ADGRL2: variants seen among roughly 807,000 people sequenced by gnomAD.
The protein encoded by ADGRL2 is adhesion G protein-coupled receptor L2.
Under a neutral mutation model 157.4 loss-of-function variants are expected in ADGRL2, and 44 were observed. The ratio of observed to expected loss-of-function variants is 0.28; its 90% CI spans 0.22 to 0.36. The LOEUF is 0.36. Ranked by LOEUF, ADGRL2 falls within the 10% of genes least tolerant of loss-of-function variation. The pLI is 1.00. For missense variants in ADGRL2, 1,510 were observed against 1,768.9 expected, an observed-to-expected ratio of 0.85 and a Z score of 2.63; for synonymous variants, 585 against 624.7, an observed-to-expected ratio of 0.94 and a Z score of 0.95.
At chr1:81,540,150 A>G (rs1382848093) in intron 2 of ADGRL2, among the ~76,000 whole-genome samples, 1 of 152,190 alleles carries the variant, frequency 6.6e-6, no homozygotes, top group South Asian at 2.1e-4. Flanking sequence ...TAATTTTCCA[A>G]TTCCAGAGTA....
chr1:81,495,311 T>C (rs547268846), intron 2 of ADGRL2, among the ~76,000 whole-genome samples: 58 of 152,200 alleles, frequency 3.8e-4, no homozygotes, highest in Non-Finnish European at 6.9e-4. Flanking sequence ...ATGTGAATGA[T>C]TTAAGACTTA....
intron 1 of ADGRL2, among the ~76,000 whole-genome samples, chr1:81,761,158 CAG>C (rs1371420013): frequency 1.3e-5 from 2 of 151,790 alleles, no homozygotes; most frequent in Non-Finnish European, 2.9e-5. Flanking sequence ...TTTTCATTTA[CAG>C]AAACAATATC....
intron 1 of ADGRL2, among the ~76,000 whole-genome samples, chr1:81,371,605 C>A (rs775605250): frequency 3.3e-5 from 5 of 152,144 alleles, no homozygotes; most frequent in Non-Finnish European, 5.9e-5. Flanking sequence ...TGAAACTTTG[C>A]ATTACATACA....
chr1:81,746,893 CACGTATATACACACGTGCACACGTATAT>C (rs1168575111), intron 1 of ADGRL2, among the ~76,000 whole-genome samples: 2 of 127,140 alleles, frequency 1.6e-5, no homozygotes, highest in African/African-American at 3.3e-5. Flanking sequence ...CACACGTATA[CACGTATATACACACGTGCACACGTATAT>C]ACGTATATAC....
chr1:81,988,327 A>T (rs549885857), intron 23 of ADGRL2: 2 of 152,210 alleles, frequency 1.3e-5, no homozygotes, highest in Non-Finnish European at 2.9e-5. Flanking sequence ...GACCTTTTGG[A>T]TTATATCCAG....
intron 1 of ADGRL2, among the ~76,000 whole-genome samples, chr1:81,434,397 T>C (rs4075061): frequency 0.014 from 2,152 of 152,292 alleles, 33 homozygotes; most frequent in South Asian, 0.056. Context: ...GCTTGTTTTT[T>C]ATATTTGTCT....
intron 3 of ADGRL2, among the ~76,000 whole-genome samples, chr1:81,689,472 TAA>T (rs2083290596): frequency 6.6e-6 from 1 of 152,240 alleles, no homozygotes; most frequent in African/African-American, 2.4e-5. Flanking sequence ...AGAACTCAAC[TAA>T]ATGGTCTATT....
chr1:81,926,709 C>G (rs1350741240), intron 3 of ADGRL2, among the ~76,000 whole-genome samples: 1 of 151,712 alleles, frequency 6.6e-6, no homozygotes, highest in Non-Finnish European at 1.5e-5. Flanking sequence ...TTTTTTGTTT[C>G]ATTAAGTAGT....
intron 2 of ADGRL2, among the ~76,000 whole-genome samples, chr1:81,535,421 G>T (rs76446623): frequency 0.098 from 14,880 of 152,130 alleles, 845 homozygotes; most frequent in Non-Finnish European, 0.12. Flanking sequence ...GTGTGTGAAT[G>T]TGTGTGTAAG....
At chr1:81,695,612 G>T (rs567648013), upstream of ADGRL2, among the ~76,000 whole-genome samples, 1 of 152,168 alleles carries the variant, frequency 6.6e-6, no homozygotes, top group South Asian at 2.1e-4. Flanking sequence ...TTGAGGTCAG[G>T]TGTTAAGAGA....
chr1:81,802,243 G>C (rs749437968), intron 1 of ADGRL2, among the ~76,000 whole-genome samples: 1 of 152,110 alleles, frequency 6.6e-6, no homozygotes, highest in African/African-American at 2.4e-5. Flanking sequence ...AGAGCCGCAG[G>C]AGCGAACAAT....
chr1:81,473,267 A>G (rs2078208897), intron 2 of ADGRL2, among the ~76,000 whole-genome samples: 1 of 152,206 alleles, frequency 6.6e-6, no homozygotes, highest in Non-Finnish European at 1.5e-5. Context: ...AATAAAAAGT[A>G]ACTGTTATCC....
At chr1:81,473,729 C>T (rs182652336) in intron 2 of ADGRL2, among the ~76,000 whole-genome samples, 4 of 152,014 alleles carry the variant, frequency 2.6e-5, no homozygotes, top group South Asian at 2.1e-4. Flanking sequence ...AAACTATAGG[C>T]CTATCAAGGG....
At chr1:81,825,261 G>T (rs2091364556) in intron 1 of ADGRL2, among the ~76,000 whole-genome samples, 1 of 152,140 alleles carries the variant, frequency 6.6e-6, no homozygotes, top group Non-Finnish European at 1.5e-5. Context: ...CTCTCAGGAG[G>T]CTGATGTGGG....
chr1:81,539,160 C>T (rs997930286), intron 2 of ADGRL2, among the ~76,000 whole-genome samples: 1 of 151,964 alleles, frequency 6.6e-6, no homozygotes, highest in African/African-American at 2.4e-5. Flanking sequence ...AAGAAATGTC[C>T]AGCAGTTTGA....
intron 2 of ADGRL2, among the ~76,000 whole-genome samples, chr1:81,479,888 A>AATCACACTTTTATTAGTAACATTTT (rs2078350110): frequency 1.3e-5 from 2 of 152,202 alleles, no homozygotes; most frequent in Non-Finnish European, 2.9e-5. Context: ...CTTAACTCAA[A>AATCACACTTTTATTAGTAACATTTT]ATCACACTTT....
chr1:81,439,536 G>A (rs377350138), intron 1 of ADGRL2, among the ~76,000 whole-genome samples: 41 of 152,358 alleles, frequency 2.7e-4, no homozygotes, highest in African/African-American at 7.0e-4. Context: ...GAGGGAGCAC[G>A]TGAGCAAGTG....
At chr1:81,650,590 A>AAG (rs1553135167) in intron 3 of ADGRL2, among the ~76,000 whole-genome samples, 6 of 147,932 alleles carry the variant, frequency 4.1e-5, no homozygotes, top group Non-Finnish European at 6.0e-5. Flanking sequence ...AAAAAAAAAA[A>AAG]AAAGAAAAAG....
At chr1:81,521,627 TAGAA>T (rs1451345067) in intron 2 of ADGRL2, among the ~76,000 whole-genome samples, 1 of 152,214 alleles carries the variant, frequency 6.6e-6, no homozygotes, top group Non-Finnish European at 1.5e-5. Context: ...GGATTTTATG[TAGAA>T]GAAAAATGAT....
Sources: gnomAD v4.1 joint callset for allele counts (sites outside exome capture counted in the v4.1 genomes callset) on GRCh38, gnomAD v4.1.1 for gene constraint, MANE v1.5 for transcripts, NCBI Gene and HGNC (gene_info 2026-07-23, HGNC 2026-07-21) for gene names.